The following HOMER1 variants were observed in gnomAD, a reference collection of about 807,000 sequenced individuals.
The protein encoded by HOMER1 is homer scaffold protein 1.
HOMER1 carries 3 observed loss-of-function variants against 48.9 expected under a neutral mutation model. The ratio of observed to expected loss-of-function variants is 0.06; its 90% CI spans 0.03 to 0.16. The LOEUF (loss-of-function observed/expected upper bound fraction) is 0.16, where lower values mean the gene tolerates loss of function less well. Ranked by LOEUF, HOMER1 falls within the 10% of genes least tolerant of loss-of-function variation. HOMER1 has a pLI of 1.00. For synonymous variants in HOMER1, 134 were observed against 146.4 expected (o/e 0.92, Z 0.61); for missense variants, 247 against 411.4 (o/e 0.60, Z 3.46).
intron 4 of HOMER1, among the ~76,000 whole-genome samples, chr5:79,442,505 G>A (rs1750760738): frequency 6.6e-6 from 1 of 152,170 alleles, no homozygotes. Flanking sequence ...CTGTGTATTG[G>A]AAGGATGGGC....
At chr5:79,405,380 A>C (rs1043791530) in intron 5 of HOMER1, among the ~76,000 whole-genome samples, 8 of 152,196 alleles carry the variant, frequency 5.3e-5, no homozygotes, top group Admixed American at 1.3e-4. Context: ...TTTTTAGGAC[A>C]ACTCAAGCAA....
intron 2 of HOMER1, among the ~76,000 whole-genome samples, chr5:79,452,583 A>C (rs1318797009): frequency 6.6e-6 from 1 of 152,182 alleles, no homozygotes. Context: ...TCTGAACAAA[A>C]CTAAATTTGT....
At chr5:79,470,532 A>C (rs1483648246) in intron 1 of HOMER1, among the ~76,000 whole-genome samples, 1 of 152,244 alleles carries the variant, frequency 6.6e-6, no homozygotes, top group Non-Finnish European at 1.5e-5. Context: ...ACTTAAAGTC[A>C]CACAGCTAGC....
intron 1 of HOMER1, among the ~76,000 whole-genome samples, chr5:79,482,879 T>C (rs1034531897): frequency 1.3e-5 from 2 of 151,718 alleles, no homozygotes; most frequent in Non-Finnish European, 2.9e-5. Context: ...GGCTCACACC[T>C]GTGGTCCCAG....
At position 79,492,243 on chromosome 5, in the gene HOMER1, T is replaced by C. The variant is rs556354229; in HGVS notation, c.5+20527A>G. On this transcript the variant is annotated intron_variant, in intron 1 of 8. Coordinates refer to ENST00000334082, the MANE Select transcript of HOMER1 (RefSeq NM_004272.5). ...CATTCCATCATCATGAAAGTGCCCA[T>C]ATAAAAAAAAATCCACATTGAGGCT... Among the ~76,000 whole-genome samples the C allele has an allele frequency of 6.4e-4, 98 of 152,142 alleles. 1 individual carries two copies. The highest frequency in any genetic ancestry group is 2.2e-3 in the African/African-American group (93 of 41,516).
intron 1 of HOMER1, among the ~76,000 whole-genome samples, chr5:79,500,947 G>GTGTGTC (rs1752561442): frequency 8.7e-6 from 1 of 115,208 alleles, no homozygotes; most frequent in South Asian, 3.3e-4. Flanking sequence ...GTGTGTGTGT[G>GTGTGTC]TGTGTGAGAC....
intron 5 of HOMER1, among the ~76,000 whole-genome samples, chr5:79,417,949 C>A (rs997456173): frequency 2.0e-5 from 3 of 152,212 alleles, no homozygotes; most frequent in Non-Finnish European, 4.4e-5. Flanking sequence ...ACAGTAAAAT[C>A]TGTTTCCAGA....
chr5:79,390,743 C>T (rs1749227387), intron 8 of HOMER1, among the ~76,000 whole-genome samples: 1 of 151,782 alleles, frequency 6.6e-6, no homozygotes, highest in Non-Finnish European at 1.5e-5. Flanking sequence ...CACTGTGATC[C>T]CAATGCAATA....
intron 5 of HOMER1, among the ~76,000 whole-genome samples, chr5:79,407,967 G>A (rs1749710482): frequency 1.3e-5 from 2 of 152,078 alleles, no homozygotes; most frequent in African/African-American, 4.8e-5. Flanking sequence ...GAGAGGGAGA[G>A]ACCACATTCA....
At chr5:79,473,520 C>A (rs1175972874) in intron 1 of HOMER1, among the ~76,000 whole-genome samples, 1 of 152,198 alleles carries the variant, frequency 6.6e-6, no homozygotes, top group African/African-American at 2.4e-5. Context: ...TCAGTTGCCT[C>A]ATCCAACCAT....
intron 1 of HOMER1, among the ~76,000 whole-genome samples, chr5:79,496,520 A>C (rs1443216714): frequency 6.6e-6 from 1 of 152,138 alleles, no homozygotes; most frequent in Non-Finnish European, 1.5e-5. Context: ...TCATAGAAAA[A>C]CTTACCATCT....
chr5:79,453,221 AT>A (rs139026991), intron 2 of HOMER1, among the ~76,000 whole-genome samples: 40,299 of 151,984 alleles, frequency 0.27, 5,458 homozygotes, highest in South Asian at 0.37. Context: ...ACTGCCTTAG[AT>A]TTGCTGGTCC....
intron 8 of HOMER1, among the ~76,000 whole-genome samples, chr5:79,392,207 A>T (rs1225906926): frequency 1.5e-4 from 23 of 152,198 alleles, no homozygotes; most frequent in Non-Finnish European, 5.9e-5. Context: ...CCTTCTACTT[A>T]TTTAAAAAAA....
intron 5 of HOMER1, among the ~76,000 whole-genome samples, chr5:79,438,022 T>TAGCCTCTACTA (rs1750641248): frequency 1.3e-5 from 2 of 152,300 alleles, no homozygotes; most frequent in South Asian, 4.1e-4. Flanking sequence ...CTCCCAATGT[T>TAGCCTCTACTA]AGCCTCTACT....
intron 8 of HOMER1, among the ~76,000 whole-genome samples, chr5:79,394,314 C>T (rs1417192243): frequency 6.6e-6 from 1 of 152,070 alleles, no homozygotes; most frequent in African/African-American, 2.4e-5. Flanking sequence ...GTGCTGGGAC[C>T]TTTGATAAAC....
intron 1 of HOMER1, among the ~76,000 whole-genome samples, chr5:79,498,402 A>G (rs759864092): frequency 1.6e-4 from 24 of 152,194 alleles, no homozygotes; most frequent in Non-Finnish European, 3.4e-4. Context: ...GTCTCAAAAA[A>G]AAGAGTTAAA....
intron 5 of HOMER1, among the ~76,000 whole-genome samples, chr5:79,438,266 T>A (rs532489323): frequency 2.0e-5 from 3 of 152,304 alleles, no homozygotes; most frequent in African/African-American, 7.2e-5. Flanking sequence ...GACAAAAAAT[T>A]AACTTTAAAA....
intron 1 of HOMER1, among the ~76,000 whole-genome samples, chr5:79,485,180 C>A (rs1330794321): frequency 6.6e-6 from 1 of 152,172 alleles, no homozygotes; most frequent in Non-Finnish European, 1.5e-5. Context: ...TTTGGCTATT[C>A]CCTGAGAGTA....
At chr5:79,380,987 C>T (rs1215839226) in intron 8 of HOMER1, among the ~76,000 whole-genome samples, 3 of 152,086 alleles carry the variant, frequency 2.0e-5, no homozygotes, top group Non-Finnish European at 4.4e-5. Flanking sequence ...GGTCGGAGAA[C>T]CCACCCACCC....
Sources: gnomAD v4.1 joint callset for allele counts (sites outside exome capture counted in the v4.1 genomes callset) on GRCh38, gnomAD v4.1.1 for gene constraint, MANE v1.5 for transcripts, NCBI Gene and HGNC (gene_info 2026-07-23, HGNC 2026-07-21) for gene names.